The following PDE3A variants were observed in gnomAD, a reference collection of about 807,000 sequenced individuals.
The protein encoded by PDE3A is cGMP-inhibited 3',5'-cyclic phosphodiesterase 3A.
PDE3A carries 43 observed loss-of-function variants against 98.3 expected under a neutral mutation model. The observed-to-expected ratio is 0.44, with a 90% CI of 0.34 to 0.56. The LOEUF (loss-of-function observed/expected upper bound fraction) is 0.56. PDE3A is among the 20% of genes least tolerant of loss of function. The pLI is 0.01. For synonymous variants in PDE3A, 663 were observed against 567.9 expected, an observed-to-expected ratio of 1.17 and a Z score of -2.38; for missense variants, 1,427 against 1,440.7, an observed-to-expected ratio of 0.99 and a Z score of 0.15.
intron 1 of PDE3A, chr12:20,449,635 T>C: frequency 2.5e-6 from 1 of 401,850 alleles, no homozygotes; most frequent in Non-Finnish European, 4.7e-6. Context: ...TTGTGGCAGA[T>C]TTTAGTCTAC....
chr12:20,639,780 C>T, intron 9 of PDE3A, 66 bp from the exon 10 acceptor site: 1 of 740,782 alleles, frequency 1.3e-6, no homozygotes, highest in Non-Finnish European at 2.4e-6. Context: ...CCTAGTTTCA[C>T]CACTGTTCTC....
chr12:20,554,100 AT>A (rs201554748), intron 1 of PDE3A, among the ~76,000 whole-genome samples: 61,357 of 148,264 alleles, frequency 0.41, 14,340 homozygotes, highest in East Asian at 0.55. Context: ...TTGTTTTTGT[AT>A]TTTTTTTTTG....
At chr12:20,536,160 A>G (rs1469497556) in intron 1 of PDE3A, among the ~76,000 whole-genome samples, 3 of 152,158 alleles carry the variant, frequency 2.0e-5, no homozygotes, top group Admixed American at 6.5e-5. Flanking sequence ...TATCACTTCT[A>G]TTAGAAATAA....
intron 1 of PDE3A, among the ~76,000 whole-genome samples, chr12:20,481,764 A>ATTTTTTTTTTTTTTTTTTTTTT (rs10657239): frequency 1.3e-4 from 10 of 79,594 alleles, no homozygotes; most frequent in African/African-American, 4.7e-4. Context: ...TGGGAAATAG[A>ATTTTTTTTTTTTTTTTTTTTTT]TTTTTTTTTT....
At chr12:20,492,278 C>G (rs1042304533) in intron 1 of PDE3A, among the ~76,000 whole-genome samples, 1 of 152,168 alleles carries the variant, frequency 6.6e-6, no homozygotes, top group African/African-American at 2.4e-5. Context: ...GCCACTGCAG[C>G]AGTCCTAGTA....
intron 1 of PDE3A, among the ~76,000 whole-genome samples, chr12:20,437,675 A>C (rs1402126692): frequency 6.6e-6 from 1 of 152,128 alleles, no homozygotes; most frequent in Non-Finnish European, 1.5e-5. Context: ...TGAGAACAGC[A>C]CCAAGCCATT....
At chr12:20,534,060 A>G (rs986771118) in intron 1 of PDE3A, among the ~76,000 whole-genome samples, 5 of 151,970 alleles carry the variant, frequency 3.3e-5, no homozygotes, top group African/African-American at 9.7e-5. Flanking sequence ...TACCCGACCT[A>G]CTTTATTTCT....
chr12:20,552,071 G>A lies in PDE3A; in HGVS notation c.961-4589G>A. ...GGGAATTTTTTCACATACACGGGTA[G>A]TGGTGGTCGAGAGCTTTCCGGCAAC... On this transcript the variant is annotated intron_variant, in intron 1 of 15. Transcript: ENST00000359062. This position sits in a 1 kb window ranked among gnomAD's most constrained non-coding sequence, Gnocchi z 5.1. 2 of 1,612,642 alleles carry A rather than the reference G, an allele frequency of 1.2e-6. No individual in the cohort carries two copies. The highest frequency in any genetic ancestry group is 1.7e-6 in the Non-Finnish European group (2 of 1,179,910).
intron 2 of PDE3A, among the ~76,000 whole-genome samples, chr12:20,585,694 A>G (rs1943177759): frequency 6.6e-6 from 1 of 152,196 alleles, no homozygotes; most frequent in South Asian, 2.1e-4. Context: ...CAGATAGTAT[A>G]TGTTCAATAA....
intron 1 of PDE3A, among the ~76,000 whole-genome samples, chr12:20,388,012 A>G (rs943252315): frequency 1.2e-4 from 18 of 152,030 alleles, no homozygotes; most frequent in Admixed American, 9.8e-4. Flanking sequence ...TAAGTTTTCA[A>G]CCCTCCACAC....
intron 12 of PDE3A, among the ~76,000 whole-genome samples, chr12:20,648,240 A>G (rs144177520): frequency 1.2e-3 from 175 of 151,392 alleles, no homozygotes; most frequent in African/African-American, 4.1e-3. Flanking sequence ...AAAGTAACCT[A>G]GTTACCTCTT....
At chr12:20,502,010 T>C (rs1048003980) in intron 1 of PDE3A, among the ~76,000 whole-genome samples, 1 of 152,172 alleles carries the variant, frequency 6.6e-6, no homozygotes, top group Non-Finnish European at 1.5e-5. Flanking sequence ...GGAATACGGA[T>C]AATTGTTCAC....
At chr12:20,575,577 G>A (rs764287003) in intron 2 of PDE3A, among the ~76,000 whole-genome samples, 1 of 151,926 alleles carries the variant, frequency 6.6e-6, no homozygotes, top group Non-Finnish European at 1.5e-5. Context: ...GAACATTTGG[G>A]AATCTAACCT....
chr12:20,601,765 C>CT (rs146826408), intron 2 of PDE3A, among the ~76,000 whole-genome samples: 20,084 of 148,406 alleles, frequency 0.14, 1,399 homozygotes, highest in African/African-American at 0.18. Context: ...TCTTTTTTAG[C>CT]TTTTTTTTTT....
At chr12:20,506,282 T>C (rs1378093727) in intron 1 of PDE3A, among the ~76,000 whole-genome samples, 1 of 152,084 alleles carries the variant, frequency 6.6e-6, no homozygotes, top group Non-Finnish European at 1.5e-5. Context: ...TTGGAAGTTA[T>C]ACTATACATT....
chr12:20,381,250 A>G (rs1943658038), intron 1 of PDE3A, among the ~76,000 whole-genome samples: 1 of 151,868 alleles, frequency 6.6e-6, no homozygotes, highest in East Asian at 1.9e-4. Flanking sequence ...TTGGATACAT[A>G]TATAACTAAA....
In PDE3A at chr12:20,578,020, G is replaced by A. The variant is rs188392521; in HGVS notation, c.1011+21310G>A. ...GTCCTGTGAGAATTCCACTCATTTC[G>A]TTACATGTTCCAGGGAGAAACTGGA... On this transcript the variant is annotated intron_variant, in intron 2 of 15. Transcript: ENST00000359062. Among the ~76,000 whole-genome samples, 377 of 152,168 alleles carry A rather than the reference G, an allele frequency of 2.5e-3. 3 individuals are homozygous for A. Among genetic ancestry groups the A allele is most frequent in the Middle Eastern group, 0.01 (3 of 294 alleles).
At chr12:20,443,505 G>A (rs1013469581) in intron 1 of PDE3A, among the ~76,000 whole-genome samples, 3 of 152,062 alleles carry the variant, frequency 2.0e-5, no homozygotes, top group Admixed American at 1.3e-4. Flanking sequence ...TTAGGAAATC[G>A]AAAATAAATA....
chr12:20,422,941 A>G (rs935267602), intron 1 of PDE3A, among the ~76,000 whole-genome samples: 1 of 152,164 alleles, frequency 6.6e-6, no homozygotes, highest in Non-Finnish European at 1.5e-5. Context: ...CTAATTTGTT[A>G]TATTATGTTA....
Sources: gnomAD v4.1 joint callset for allele counts (sites outside exome capture counted in the v4.1 genomes callset) on GRCh38, gnomAD v4.1.1 for gene constraint, Gnocchi (gnomAD v3.1) non-coding constraint, MANE v1.5 for transcripts, NCBI Gene and HGNC (gene_info 2026-07-23, HGNC 2026-07-21) for gene names.